The following GCGR variants were observed in gnomAD, a reference collection of about 807,000 sequenced individuals.
GCGR encodes the protein glucagon receptor.
Under a neutral mutation model 56.1 loss-of-function variants are expected in GCGR, and 41 were observed. That is an observed-to-expected ratio of 0.73 (90% CI 0.57 to 0.95). The LOEUF (loss-of-function observed/expected upper bound fraction) is 0.95. GCGR is among the 40% of genes least tolerant of loss of function. The pLI, the probability that GCGR is intolerant of heterozygous loss-of-function variation, is 0.00. For missense variants in GCGR, 595 were observed against 638.2 expected, an observed-to-expected ratio of 0.93 and a Z score of 0.73; for synonymous variants, 278 against 271.1, an observed-to-expected ratio of 1.03 and a Z score of -0.25.
intron 2 of GCGR, among the ~76,000 whole-genome samples, chr17:81,809,446 CCTGCCTGCCTGTCTGT>C (rs1162831624): frequency 3.1e-5 from 4 of 128,576 alleles, no homozygotes; most frequent in African/African-American, 9.1e-5. Context: ...TGTCCGTCTG[CCTGCCTGCCTGTCTGT>C]CTGCCTGCCT....
rs2037956745 is a variant in GCGR, at chr17:81,806,038, T to C, written c.-178+1789T>C. Among the ~76,000 whole-genome samples the C allele has an allele frequency of 6.6e-6, 1 of 152,058 alleles. No homozygotes were observed. The highest frequency in any genetic ancestry group is 1.5e-5 in the Non-Finnish European group (1 of 67,964). ...TTCAGGCTGGTGTCACCTTCAGTGA[T>C]GGGGCAGGGTCCCCACTTGGGAAGT... On this transcript the variant is annotated intron_variant, in intron 1 of 13. Transcript: ENST00000400723. This position sits in a 1 kb window ranked among gnomAD's most constrained non-coding sequence, Gnocchi z 6.5.
Position 81,811,440 on chromosome 17 carries a change from T to A in GCGR, c.537T>A (p.Asn179Lys). The A allele has an allele frequency of 6.5e-7, 1 of 1,536,612 alleles. No homozygotes were observed. Among genetic ancestry groups the A allele is most frequent in the Non-Finnish European group, 8.7e-7 (1 of 1,146,866 alleles). ...LHCTRNAIHA[N>K]LFASFVLKAS... ...GCACCCGCAATGCCATCCACGCGAA[T>A]CTGTTTGCGTCCTTCGTGCTGAAAG... is the stretch of plus-strand genomic sequence containing the variant. The change falls in exon 7 of 14, where the codon AAT (asparagine) becomes AAA (lysine). Residue 179 changes from asparagine (N) to lysine (K), a missense_variant. Coordinates refer to ENST00000400723, the MANE Select transcript of GCGR (RefSeq NM_000160.5). The surrounding 1 kb of genome is among the most constrained non-coding windows in gnomAD (Gnocchi z 5.8).
At chr17:81,809,695 C>T (rs549526974) in intron 2 of GCGR, 87 bp from the exon 3 acceptor site, 2 of 1,024,488 alleles carry the variant, frequency 2.0e-6, no homozygotes, top group Admixed American at 2.0e-5. Flanking sequence ...ATCCATCTAC[C>T]TGCCTGCCTG....
In GCGR at chr17:81,813,965, T is replaced by C. The variant is rs1403443648; in HGVS notation, c.*276T>C. ...TCCCCACGTATGTCGGCACGTCCCA[T>C]GTGCATGGAAATGTCCTCCAACAAT... is the stretch of plus-strand genomic sequence containing the variant. On this transcript the variant is annotated 3_prime_UTR_variant, in exon 14 of 14. Transcript: ENST00000400723. The surrounding 1 kb of genome is among the most constrained non-coding windows in gnomAD (Gnocchi z 5.3). The C allele has an allele frequency of 4.0e-6, 2 of 501,716 alleles. No individual in the cohort carries two copies. Among genetic ancestry groups the C allele is most frequent in the East Asian group, 3.4e-5 (1 of 29,786 alleles). The allele number at this position is 501,716 out of a possible 1,614,324, so 31.1% of individuals were successfully genotyped here. A position where few individuals can be genotyped will look rare whatever the true frequency, so the allele number is the denominator to read the frequency against.
rs1568253410 is a variant in GCGR, at chr17:81,811,818, G to T, written c.817+8G>T. On this transcript the variant is annotated splice_region_variant and intron_variant, in intron 8 of 13. Transcript: ENST00000400723. This position sits in a 1 kb window ranked among gnomAD's most constrained non-coding sequence, Gnocchi z 5.8. ...ACCTGGGCATCGGCTGGGGTGAGTG[G>T]GCTGGCATGAGAGGGGGTTAAGGCA... 1 of 1,536,898 alleles carries T rather than the reference G, an allele frequency of 6.5e-7. No individual in the cohort carries two copies.
rs1254338630 is a variant in GCGR at position 81,813,698 on chromosome 17, G to A, written c.*9G>A. Reference sequence around the variant, plus strand: ...CTGAGAGCCCCTTCTGAACCCTGCTGGGACCCCAGCTAGGGCTGGACTCTG... The same window carrying A: ...CTGAGAGCCCCTTCTGAACCCTGCTAGGACCCCAGCTAGGGCTGGACTCTG... On this transcript the variant is annotated 3_prime_UTR_variant, in exon 14 of 14. Coordinates refer to ENST00000400723, the MANE Select transcript of GCGR (RefSeq NM_000160.5). This position sits in a 1 kb window ranked among gnomAD's most constrained non-coding sequence, Gnocchi z 5.3. 16 of 1,533,610 alleles carry A rather than the reference G, an allele frequency of 1.0e-5. No individual in the cohort carries two copies. The highest frequency in any genetic ancestry group is 3.6e-5 in the South Asian group (3 of 83,968).
At chr17:81,807,827 T>C (rs1227374700) in intron 1 of GCGR, among the ~76,000 whole-genome samples, 9 of 152,258 alleles carry the variant, frequency 5.9e-5, no homozygotes, top group Non-Finnish European at 2.9e-5. Context: ...GGCCGATTTG[T>C]GTAGCTGTTG....
At position 81,809,013 on chromosome 17, in the gene GCGR, A is replaced by G; in HGVS notation, c.-6A>G. The G allele has an allele frequency of 7.2e-6, 11 of 1,536,002 alleles. No homozygotes were observed. The highest frequency in any genetic ancestry group is 9.6e-6 in the Non-Finnish European group (11 of 1,146,876). The stretch of plus-strand genomic sequence containing the variant: ...AGATGTGGGAGGCAGCTAGCTGCCC[A>G]GAGGCATGCCCCCCTGCCAGCCACA... On this transcript the variant is annotated 5_prime_UTR_variant, in exon 2 of 14. Transcript: ENST00000400723.
At position 81,810,757 on chromosome 17, in the gene GCGR, C is replaced by A; in HGVS notation, c.164-68C>A. ...CAGGCTTCCAGAGAGAGGAGAGAGGCCTGCTGAGGGAGCCCCTTCTCCCAC... is the reference window on the plus strand; with the variant it reads ...CAGGCTTCCAGAGAGAGGAGAGAGGACTGCTGAGGGAGCCCCTTCTCCCAC... On this transcript the variant is annotated intron_variant, in intron 3 of 13. Coordinates refer to ENST00000400723, the MANE Select transcript of GCGR (RefSeq NM_000160.5). This position sits in a 1 kb window ranked among gnomAD's most constrained non-coding sequence, Gnocchi z 4.6. The A allele has an allele frequency of 6.5e-6, 9 of 1,392,188 alleles. No homozygotes were observed. Among genetic ancestry groups the A allele is most frequent in the East Asian group, 2.5e-5 (1 of 40,184 alleles). 86.2% of individuals were successfully genotyped at this position (1,392,188 alleles called of 1,614,324 possible).
At position 81,806,114 on chromosome 17, in the gene GCGR, AG is replaced by A. The variant is rs2037958442; in HGVS notation, c.-178+1867del. Among the ~76,000 whole-genome samples the A allele has an allele frequency of 6.6e-6, 1 of 152,036 alleles. No individual in the cohort carries two copies. Among genetic ancestry groups the A allele is most frequent in the Non-Finnish European group, 1.5e-5 (1 of 67,972 alleles). ...CACAGCAGCCTCAGCCCTGCTCTCC[AG>A]GCCAGGCTCTCTCATGGGTGCTCAG... On this transcript the variant is annotated intron_variant, in intron 1 of 13. Coordinates refer to ENST00000400723, the MANE Select transcript of GCGR (RefSeq NM_000160.5). This position sits in a 1 kb window ranked among gnomAD's most constrained non-coding sequence, Gnocchi z 6.5.
At position 81,810,677 on chromosome 17, in the gene GCGR, CA is replaced by C. The variant is rs1335560608; in HGVS notation, c.164-146del. ...GAGGTCAGATGGGGGAGGTGGAGGTCAAGTGGGGGAGGGAGCAGCCCAGGCC... is the reference window on the plus strand; with the variant it reads ...GAGGTCAGATGGGGGAGGTGGAGGTCAGTGGGGGAGGGAGCAGCCCAGGCC... On this transcript the variant is annotated intron_variant, in intron 3 of 13. Coordinates refer to ENST00000400723, the MANE Select transcript of GCGR (RefSeq NM_000160.5). The surrounding 1 kb of genome is among the most constrained non-coding windows in gnomAD (Gnocchi z 4.6). The C allele has an allele frequency of 2.8e-6, 2 of 719,776 alleles. No individual in the cohort carries two copies. Among genetic ancestry groups the C allele is most frequent in the East Asian group, 2.7e-5 (1 of 37,004 alleles). The allele number at this position is 719,776 out of a possible 1,614,324, so 44.6% of individuals were successfully genotyped here.
Position 81,812,431 on chromosome 17 carries a change from G to C in GCGR, c.949-146G>C. On this transcript the variant is annotated intron_variant, in intron 10 of 13. Transcript: ENST00000400723. The surrounding 1 kb of genome is among the most constrained non-coding windows in gnomAD (Gnocchi z 8.5). ...TGAGCCAGGCTGTTCCTCCCTGGCT[G>C]TGTGCCCACCAGCCCCAGGGCTATG... 1 of 1,037,030 alleles carries C rather than the reference G, an allele frequency of 9.6e-7. No individual in the cohort carries two copies. Among genetic ancestry groups the C allele is most frequent in the Non-Finnish European group, 1.4e-6 (1 of 716,802 alleles). The allele number at this position is 1,037,030 out of a possible 1,614,324, so 64.2% of individuals were successfully genotyped here.
Position 81,806,954 on chromosome 17 carries a change from C to T in GCGR, c.-177-1888C>T, listed in dbSNP as rs2037977396. Among the ~76,000 whole-genome samples, 1 of 152,170 alleles carries T rather than the reference C, an allele frequency of 6.6e-6. No individual in the cohort carries two copies. The highest frequency in any genetic ancestry group is 2.1e-4 in the South Asian group (1 of 4,830). The stretch of plus-strand genomic sequence containing the variant: ...CCAGGTCTCCCCTGCACCCCTGAGC[C>T]TGCCCACCTAGCAGTGCCCCTCGTC... On this transcript the variant is annotated intron_variant, in intron 1 of 13. Coordinates refer to ENST00000400723, the MANE Select transcript of GCGR (RefSeq NM_000160.5). The surrounding 1 kb of genome is among the most constrained non-coding windows in gnomAD (Gnocchi z 6.5).
rs2038109454 is a variant in GCGR, at chr17:81,811,916, C to T, written c.848C>T (p.Ala283Val). 2 of 1,537,088 alleles carry T rather than the reference C, an allele frequency of 1.3e-6. No individual in the cohort carries two copies. The highest frequency in any genetic ancestry group is 1.4e-5 in the African/African-American group (1 of 73,136). The change falls in exon 9 of 14, where the codon GCA becomes GTA. Residue 283 changes from alanine to valine, a missense_variant. Coordinates refer to ENST00000400723, the MANE Select transcript of GCGR (RefSeq NM_000160.5). This position sits in a 1 kb window ranked among gnomAD's most constrained non-coding sequence, Gnocchi z 5.8. ...GAPMLFVVPW[A>V]VVKCLFENVQ... Reference sequence around the variant, plus strand: ...CCCATGCTGTTCGTCGTCCCCTGGGCAGTGGTCAAGTGTCTGTTCGAGAAC... The same window carrying T: ...CCCATGCTGTTCGTCGTCCCCTGGGTAGTGGTCAAGTGTCTGTTCGAGAAC...
chr17:81,812,979 G>T lies in GCGR; in HGVS notation c.1176+34G>T. 6.5e-7 allele frequency: 1 copy of T among 1,536,130 alleles called. No homozygotes were observed. Among genetic ancestry groups the T allele is most frequent in the Non-Finnish European group, 8.7e-7 (1 of 1,146,734 alleles). ...CCGCCCGCCGGCTCCCCCGCCCGGG[G>T]CGCAGTGTGCCACCCCTGACCACCC... On this transcript the variant is annotated intron_variant, in intron 12 of 13. Coordinates refer to ENST00000400723, the MANE Select transcript of GCGR (RefSeq NM_000160.5). The surrounding 1 kb of genome is among the most constrained non-coding windows in gnomAD (Gnocchi z 8.5).
intron 1 of GCGR, among the ~76,000 whole-genome samples, chr17:81,808,343 A>G (rs916133956): frequency 6.6e-6 from 1 of 152,020 alleles, no homozygotes; most frequent in Non-Finnish European, 1.5e-5. Context: ...CTGAGGGAGG[A>G]GGTCACCATC....
In GCGR at chr17:81,812,139, G is replaced by A. The variant is rs1263535798; in HGVS notation, c.879-44G>A. On this transcript the variant is annotated intron_variant, in intron 9 of 13. Coordinates refer to ENST00000400723, the MANE Select transcript of GCGR (RefSeq NM_000160.5). This position sits in a 1 kb window ranked among gnomAD's most constrained non-coding sequence, Gnocchi z 8.5. ...GGACGGGGGTGCTGAGGGGCGGAGG[G>A]GCTGGGGGCTGTGCCCCAGTATGTG... 7.2e-6 allele frequency: 11 copies of A among 1,531,780 alleles called. No individual in the cohort carries two copies. Among genetic ancestry groups the A allele is most frequent in the African/African-American group, 1.4e-5 (1 of 72,928 alleles). 94.9% of individuals were successfully genotyped at this position (1,531,780 alleles called of 1,614,324 possible). A position where few individuals can be genotyped will look rare whatever the true frequency, so the allele number is the denominator to read the frequency against.
Position 81,811,291 on chromosome 17 carries a change from G to A in GCGR, c.463G>A (p.Ala155Thr), listed in dbSNP as rs755419233. 4 of 1,535,878 alleles carry A rather than the reference G, an allele frequency of 2.6e-6. No homozygotes were observed. The South Asian group carries it at 4.8e-5, about 18-fold the overall frequency. ...YTVGYSLSLG[A>T]LLLALAILGG... ...AGTGGGCTACAGCCTGTCCCTGGGG[G>A]CCCTGCTCCTCGCCTTGGCCATCCT... The change falls in exon 6 of 14, where the codon GCC becomes ACC. Residue 155 changes from alanine (A) to threonine (T), a missense_variant. By Grantham distance (58) the Ala-to-Thr change is moderately conservative. Coordinates refer to ENST00000400723, the MANE Select transcript of GCGR (RefSeq NM_000160.5). This position sits in a 1 kb window ranked among gnomAD's most constrained non-coding sequence, Gnocchi z 5.8.
chr17:81,811,126 G>A lies in GCGR; in HGVS notation c.388G>A (p.Val130Ile). 1.3e-6 allele frequency: 2 copies of A among 1,536,240 alleles called. No individual in the cohort carries two copies. The highest frequency in any genetic ancestry group is 1.7e-6 in the Non-Finnish European group (2 of 1,146,826). ...CCAGATGGATGGCGAGGAGATTGAG[G>A]TCCAGGTCAGTGGGCGGCAGGCAGG... ...QCQMDGEEIE[V>I]QKEVAKMYSS... The change falls in exon 5 of 14, where the codon GTC (valine) becomes ATC (isoleucine). Residue 130 changes from valine (V) to isoleucine (I), a missense_variant. By Grantham distance (29) the Val-to-Ile change is conservative. Coordinates refer to ENST00000400723, the MANE Select transcript of GCGR (RefSeq NM_000160.5). The surrounding 1 kb of genome is among the most constrained non-coding windows in gnomAD (Gnocchi z 5.8).
Sources: allele counts gnomAD v4.1 joint callset (sites outside exome capture counted in the v4.1 genomes callset), GRCh38; gene constraint gnomAD v4.1.1; non-coding constraint Gnocchi (gnomAD v3.1); transcripts MANE v1.5; gene names NCBI Gene and HGNC (gene_info 2026-07-23, HGNC 2026-07-21).